Variants in PTPN1 observed in about 807,000 individuals in gnomAD.
PTPN1 encodes the protein tyrosine-protein phosphatase non-receptor type 1.
PTPN1 carries 12 observed loss-of-function variants against 59.9 expected under a neutral mutation model. That is an observed-to-expected ratio of 0.20 (90% CI 0.13 to 0.32). PTPN1 has a LOEUF of 0.32. PTPN1 is among the 10% of genes least tolerant of loss of function. The pLI is 1.00. For missense variants in PTPN1, 356 were observed against 549.2 expected (o/e 0.65, Z 3.52); for synonymous variants, 178 against 203.6 (o/e 0.87, Z 1.07).
intron 1 of PTPN1, among the ~76,000 whole-genome samples, chr20:50,519,360 T>C (rs1172706842): frequency 6.6e-6 from 1 of 152,208 alleles, no homozygotes; most frequent in Non-Finnish European, 1.5e-5. Flanking sequence ...GTGCCTTTTT[T>C]TTACCCATGA....
Position 50,551,020 on chromosome 20 carries a change from A to G in PTPN1, c.64-10343A>G, listed in dbSNP as rs147284128. On this transcript the variant is annotated intron_variant, in intron 1 of 9. Coordinates refer to ENST00000371621, the MANE Select transcript of PTPN1 (RefSeq NM_002827.4). ...GTTTTCAGGAGAAATAGAAATCTCT[A>G]ATCAAATATTGCCAGCTTTTCACCC... 2.6e-4 allele frequency among the ~76,000 whole-genome samples: 39 copies of G among 152,360 alleles called. No homozygotes were observed. The East Asian group carries it at 6.2e-3, about 24-fold the overall frequency.
chr20:50,556,214 C>G (rs2082725298), intron 1 of PTPN1, among the ~76,000 whole-genome samples: 1 of 152,066 alleles, frequency 6.6e-6, no homozygotes, highest in Admixed American at 6.5e-5. Flanking sequence ...GGGTCTCACT[C>G]TGCTGCCCAG....
Position 50,582,568 on chromosome 20 carries a change from A to G in PTPN1, c.1285-124A>G. On this transcript the variant is annotated intron_variant, in intron 9 of 9. Coordinates refer to ENST00000371621, the MANE Select transcript of PTPN1 (RefSeq NM_002827.4). This position sits in a 1 kb window ranked among gnomAD's most constrained non-coding sequence, Gnocchi z 4.2. ...AGAGGGGGCTACTGTAAAAAATAAA[A>G]CCAAAACCCCCTTTGCTCCCTCGGA... 1.0e-6 allele frequency: 1 copy of G among 996,442 alleles called. No individual in the cohort carries two copies. The highest frequency in any genetic ancestry group is 1.6e-5 in the South Asian group (1 of 63,350). The allele number at this position is 996,442 out of a possible 1,614,324, so 61.7% of individuals were successfully genotyped here.
chr20:50,571,829 A>G (rs2082810314), intron 4 of PTPN1: 1 of 152,270 alleles, frequency 6.6e-6, no homozygotes, highest in Non-Finnish European at 1.5e-5. Context: ...GAAGTAAGCA[A>G]GGTGAGTTTA....
intron 1 of PTPN1, among the ~76,000 whole-genome samples, chr20:50,531,366 G>A (rs2082600095): frequency 6.6e-6 from 1 of 152,032 alleles, no homozygotes; most frequent in South Asian, 2.1e-4. Context: ...GGTTGTTGGT[G>A]GGAGTCTTTT....
chr20:50,579,097 TC>T, intron 6 of PTPN1, 70 bp from the exon 7 acceptor site: 1 of 1,501,766 alleles, frequency 6.7e-7, no homozygotes, highest in Non-Finnish European at 9.2e-7. Context: ...GGGACAGACA[TC>T]TAACGGTGTT....
In PTPN1 at chr20:50,574,661, A is replaced by G. The variant is rs751834185; in HGVS notation, c.492+7A>G. On this transcript the variant is annotated splice_region_variant and intron_variant, in intron 5 of 9. Coordinates refer to ENST00000371621, the MANE Select transcript of PTPN1 (RefSeq NM_002827.4). ...AGAATTGGAAAACCTTACAGTGAGT[A>G]TAGCACACACTTCAGCACTTCAGGC... 6.2e-7 allele frequency: 1 copy of G among 1,601,594 alleles called. No homozygotes were observed.
intron 1 of PTPN1, chr20:50,557,541 T>C (rs1392090580): frequency 6.6e-6 from 1 of 152,254 alleles, no homozygotes; most frequent in African/African-American, 2.4e-5. Flanking sequence ...TTTGGTTAAA[T>C]CAGTACTCAT....
At position 50,510,429 on chromosome 20, in the gene PTPN1, G is replaced by C; in HGVS notation, c.-99G>C. 1 of 1,337,498 alleles carries C rather than the reference G, an allele frequency of 7.5e-7. No individual in the cohort carries two copies. Among genetic ancestry groups the C allele is most frequent in the Non-Finnish European group, 1.0e-6 (1 of 975,104 alleles). 82.9% of individuals were successfully genotyped at this position (1,337,498 alleles called of 1,614,324 possible). On this transcript the variant is annotated 5_prime_UTR_variant, in exon 1 of 10. Transcript: ENST00000371621. ...GGGCGGCGGTAGCTGCAGGGGTCGG[G>C]GATTGCAGCGGGCCTCGGGGCTAAG...
rs574202534 is a variant in PTPN1, at chr20:50,569,145, T to C, written c.354+667T>C. On this transcript the variant is annotated intron_variant, in intron 4 of 9. Transcript: ENST00000371621. ...TTCATTTTGTACCATGCTTTCAGAA[T>C]GAGCTTTCTCAAATCCAAGTCTCAC... Among the ~76,000 whole-genome samples the C allele has an allele frequency of 5.3e-5, 8 of 152,322 alleles. No individual in the cohort carries two copies. In the East Asian group the frequency reaches 1.5e-3, roughly 29 times the overall value.
chr20:50,523,793 G>A (rs1300102960), intron 1 of PTPN1, among the ~76,000 whole-genome samples: 2 of 152,156 alleles, frequency 1.3e-5, no homozygotes, highest in Non-Finnish European at 2.9e-5. Context: ...ATCTAATTGG[G>A]ATTGGGAGCA....
At chr20:50,525,580 G>A (rs1324813911) in intron 1 of PTPN1, among the ~76,000 whole-genome samples, 2 of 151,026 alleles carry the variant, frequency 1.3e-5, no homozygotes, top group South Asian at 4.2e-4. Context: ...TTCTAGCTAT[G>A]AGGATTATAT....
intron 1 of PTPN1, among the ~76,000 whole-genome samples, chr20:50,522,900 C>A (rs1406851546): frequency 6.6e-6 from 1 of 151,438 alleles, no homozygotes; most frequent in Non-Finnish European, 1.5e-5. Context: ...ATTACAGGTG[C>A]CTGCCACGAT....
intron 3 of PTPN1, 70 bp downstream of exon 3, chr20:50,565,139 CAAAT>C: frequency 6.9e-7 from 1 of 1,448,060 alleles, no homozygotes; most frequent in South Asian, 1.3e-5. Flanking sequence ...ATCCACACCT[CAAAT>C]AAAATCTGCC....
At position 50,563,522 on chromosome 20, in the gene PTPN1, C is replaced by A. The variant is rs554184715; in HGVS notation, c.155-1447C>A. On this transcript the variant is annotated intron_variant, in intron 2 of 9. Coordinates refer to ENST00000371621, the MANE Select transcript of PTPN1 (RefSeq NM_002827.4). Reference sequence around the variant, plus strand: ...AACCCACTCACATAACCAACCAATACCATTATGTAATTTTTGAGGTCTTTT... The same window carrying A: ...AACCCACTCACATAACCAACCAATAACATTATGTAATTTTTGAGGTCTTTT... Among the ~76,000 whole-genome samples, 161 of 152,288 alleles carry A rather than the reference C, an allele frequency of 1.1e-3. 1 individual carries two copies. The highest frequency in any genetic ancestry group is 1.8e-3 in the Non-Finnish European group (120 of 68,010).
intron 1 of PTPN1, among the ~76,000 whole-genome samples, chr20:50,540,077 CAG>C (rs1233927950): frequency 1.3e-5 from 2 of 151,792 alleles, no homozygotes; most frequent in East Asian, 3.9e-4. Context: ...TTTTTCGAGA[CAG>C]AGTTTCGCTC....
chr20:50,551,965 A>T (rs2082703740), intron 1 of PTPN1, among the ~76,000 whole-genome samples: 1 of 152,190 alleles, frequency 6.6e-6, no homozygotes, highest in African/African-American at 2.4e-5. Flanking sequence ...GTAGATTAGA[A>T]GTAGTTATTT....
In PTPN1 at chr20:50,568,962, C is replaced by T. The variant is rs571261980; in HGVS notation, c.354+484C>T. On this transcript the variant is annotated intron_variant, in intron 4 of 9. Coordinates refer to ENST00000371621, the MANE Select transcript of PTPN1 (RefSeq NM_002827.4). The surrounding 1 kb of genome is among the most constrained non-coding windows in gnomAD (Gnocchi z 5.6). Reference sequence around the variant, plus strand: ...AGACTCTTGCCCTGCCACACCTCTTCGGAGTGAGCATTGACTTCAGGATGT... The same window carrying T: ...AGACTCTTGCCCTGCCACACCTCTTTGGAGTGAGCATTGACTTCAGGATGT... Among the ~76,000 whole-genome samples, 2 of 152,292 alleles carry T rather than the reference C, an allele frequency of 1.3e-5. No individual in the cohort carries two copies. The highest frequency in any genetic ancestry group is 2.1e-4 in the South Asian group (1 of 4,824).
At chr20:50,564,335 G>A (rs1226826816) in intron 2 of PTPN1, among the ~76,000 whole-genome samples, 1 of 152,202 alleles carries the variant, frequency 6.6e-6, no homozygotes, top group African/African-American at 2.4e-5. Flanking sequence ...GCTCACACTT[G>A]TAATCCCAGC....
Sources: gnomAD v4.1 joint callset for allele counts (sites outside exome capture counted in the v4.1 genomes callset) on GRCh38, gnomAD v4.1.1 for gene constraint, Gnocchi (gnomAD v3.1) non-coding constraint, MANE v1.5 for transcripts, NCBI Gene and HGNC (gene_info 2026-07-23, HGNC 2026-07-21) for gene names.